Variants in UBAC2 observed in about 807,000 individuals in gnomAD.
UBAC2 encodes ubiquitin-associated domain-containing protein 2.
UBAC2 carries 26 observed loss-of-function variants against 44.0 expected under a neutral mutation model. The observed-to-expected ratio is 0.59, with a 90% CI of 0.43 to 0.82. The LOEUF (loss-of-function observed/expected upper bound fraction) is 0.82. UBAC2 is among the 40% of genes least tolerant of loss of function. The probability of loss-of-function intolerance (pLI) is 0.00; values close to 1 mark genes in which losing one functional copy is unlikely to be tolerated. For missense variants in UBAC2, 329 were observed against 419.4 expected (o/e 0.78, Z 1.88); for synonymous variants, 155 against 154.3 (o/e 1.00, Z -0.04).
chr13:99,364,754 A>G (rs2045309343), intron 7 of UBAC2, among the ~76,000 whole-genome samples: 1 of 152,224 alleles, frequency 6.6e-6, no homozygotes, highest in Admixed American at 6.5e-5. Context: ...ATCATTTGAG[A>G]GATTCAGCCA....
chr13:99,203,129 C>T (rs1460726695), intron 1 of UBAC2, among the ~76,000 whole-genome samples: 2 of 151,946 alleles, frequency 1.3e-5, no homozygotes, highest in Non-Finnish European at 2.9e-5. Flanking sequence ...CTCCGCCTCC[C>T]GAGTTCAAGC....
At chr13:99,355,671 G>C (rs147370743) in intron 7 of UBAC2, among the ~76,000 whole-genome samples, 15 of 152,362 alleles carry the variant, frequency 9.8e-5, no homozygotes, top group African/African-American at 3.6e-4. Flanking sequence ...TGGAGGAAAA[G>C]TTCCCCATGA....
At chr13:99,366,038 TTC>T (rs1331502477) in intron 7 of UBAC2, among the ~76,000 whole-genome samples, 1 of 152,222 alleles carries the variant, frequency 6.6e-6, no homozygotes, top group Non-Finnish European at 1.5e-5. Flanking sequence ...TGATTAGTAT[TTC>T]TCTGATTTTT....
At chr13:99,271,942 A>G (rs1566479513) in intron 4 of UBAC2, among the ~76,000 whole-genome samples, 1 of 152,160 alleles carries the variant, frequency 6.6e-6, no homozygotes, top group East Asian at 1.9e-4. Flanking sequence ...AAATTCAGGT[A>G]TGATGTTGGC....
chr13:99,280,611 G>A (rs1425500769), intron 4 of UBAC2, among the ~76,000 whole-genome samples: 1 of 152,116 alleles, frequency 6.6e-6, no homozygotes, highest in Non-Finnish European at 1.5e-5. Context: ...CTCTCAACTG[G>A]ATGCTTTTGA....
intron 4 of UBAC2, among the ~76,000 whole-genome samples, chr13:99,259,498 T>C (rs33946546): frequency 0.09 from 13,713 of 152,208 alleles, 710 homozygotes; most frequent in Middle Eastern, 0.13. Context: ...AGCAACTATT[T>C]CTTGTGTGGA....
At chr13:99,235,937 C>T (rs999668755) in intron 1 of UBAC2, among the ~76,000 whole-genome samples, 2 of 152,072 alleles carry the variant, frequency 1.3e-5, no homozygotes, top group African/African-American at 4.8e-5. Context: ...TGCTGGACTC[C>T]AGCTTGGGCA....
chr13:99,243,269 T>C (rs922165379), intron 2 of UBAC2, among the ~76,000 whole-genome samples: 3 of 140,180 alleles, frequency 2.1e-5, no homozygotes, highest in African/African-American at 7.9e-5. Context: ...TGTCCCCTTA[T>C]ATGTTTTTTA....
chr13:99,316,550 G>A (rs1056659667), intron 5 of UBAC2, among the ~76,000 whole-genome samples: 6 of 152,124 alleles, frequency 3.9e-5, no homozygotes, highest in Non-Finnish European at 5.9e-5. Context: ...ATGACGTTGT[G>A]GGCTCTCAAG....
intron 4 of UBAC2, among the ~76,000 whole-genome samples, chr13:99,283,613 T>A (rs1272762661): frequency 6.6e-6 from 1 of 151,850 alleles, no homozygotes; most frequent in African/African-American, 2.4e-5. Flanking sequence ...GGTCTGAGGA[T>A]TGAGTCACTA....
At chr13:99,216,383 G>A (rs745347743) in intron 1 of UBAC2, among the ~76,000 whole-genome samples, 1 of 152,190 alleles carries the variant, frequency 6.6e-6, no homozygotes, top group Non-Finnish European at 1.5e-5. Context: ...GGGATTACAG[G>A]TGTGAGCCAC....
At chr13:99,267,472 A>G (rs1209030385) in intron 4 of UBAC2, among the ~76,000 whole-genome samples, 3 of 152,164 alleles carry the variant, frequency 2.0e-5, no homozygotes, top group African/African-American at 4.8e-5. Flanking sequence ...AGTAAAATCA[A>G]TGAGTCCTTT....
intron 8 of UBAC2, among the ~76,000 whole-genome samples, chr13:99,375,050 G>A (rs1265983877): frequency 6.6e-6 from 1 of 152,172 alleles, no homozygotes; most frequent in Non-Finnish European, 1.5e-5. Context: ...AGTTAGATGT[G>A]TTACAATGAA....
At position 99,354,649 on chromosome 13, in the gene UBAC2, T is replaced by C. The variant is rs565949701; in HGVS notation, c.808-13138T>C. Among the ~76,000 whole-genome samples the C allele has an allele frequency of 7.2e-5, 11 of 151,740 alleles. No homozygotes were observed. In the East Asian group the frequency reaches 2.1e-3, roughly 29 times the overall value. On this transcript the variant is annotated intron_variant, in intron 7 of 8. Coordinates refer to ENST00000403766, the MANE Select transcript of UBAC2 (RefSeq NM_001144072.2). The stretch of plus-strand genomic sequence containing the variant: ...GACAGTTTGAGCCGACATAGTAATT[T>C]AGGATGTAATTTAGAGAAGTAATTT...
chr13:99,298,383 C>T (rs887641716), intron 4 of UBAC2, among the ~76,000 whole-genome samples: 5 of 152,100 alleles, frequency 3.3e-5, no homozygotes, highest in Admixed American at 1.3e-4. Context: ...TGAAAAAATA[C>T]ACTTCTAAGG....
At chr13:99,205,438 CA>C (rs2042858688) in intron 1 of UBAC2, among the ~76,000 whole-genome samples, 1 of 152,076 alleles carries the variant, frequency 6.6e-6, no homozygotes, top group Non-Finnish European at 1.5e-5. Context: ...GTCCCAGCTG[CA>C]AAAAAATCAA....
At chr13:99,216,017 G>A (rs535155222) in intron 1 of UBAC2, among the ~76,000 whole-genome samples, 1 of 152,192 alleles carries the variant, frequency 6.6e-6, no homozygotes, top group Admixed American at 6.5e-5. Flanking sequence ...ATAGGTTGGT[G>A]CAAAAGTAAT....
chr13:99,237,200 T>A (rs1272465385), intron 1 of UBAC2, among the ~76,000 whole-genome samples: 2 of 151,774 alleles, frequency 1.3e-5, no homozygotes. Flanking sequence ...TTCCCTCTTT[T>A]GAGTTTCCAA....
chr13:99,277,184 G>A (rs550418610), intron 4 of UBAC2, among the ~76,000 whole-genome samples: 3 of 152,214 alleles, frequency 2.0e-5, no homozygotes, highest in South Asian at 2.1e-4. Flanking sequence ...GAGATTTTAG[G>A]AAAGAACAGA....
Sources: allele counts gnomAD v4.1 joint callset (sites outside exome capture counted in the v4.1 genomes callset), GRCh38; gene constraint gnomAD v4.1.1; transcripts MANE v1.5; gene names NCBI Gene and HGNC (gene_info 2026-07-23, HGNC 2026-07-21).